Variants in CFAP54 observed in about 807,000 individuals in gnomAD.
CFAP54 encodes the protein cilia- and flagella-associated protein 54.
A neutral mutation model predicts 370.4 loss-of-function variants in CFAP54; 290 were observed. The observed-to-expected ratio is 0.78, with a 90% CI of 0.71 to 0.86. The LOEUF is 0.86. CFAP54 is among the 40% of genes least tolerant of loss of function. The pLI, the probability that CFAP54 is intolerant of heterozygous loss-of-function variation, is 0.00. For synonymous variants in CFAP54, 1,206 were observed against 1,236.5 expected, an observed-to-expected ratio of 0.98 and a Z score of 0.52; for missense variants, 3,399 against 3,528.7, an observed-to-expected ratio of 0.96 and a Z score of 0.93.
chr12:96,535,989 C>T lies in CFAP54; in HGVS notation c.1791+389C>T, dbSNP rs189494122. Among the ~76,000 whole-genome samples the T allele has an allele frequency of 1.4e-3, 213 of 152,284 alleles. 1 individual carries two copies. The highest frequency in any genetic ancestry group is 2.0e-3 in the Non-Finnish European group (138 of 68,022). On this transcript the variant is annotated intron_variant, in intron 12 of 67. Coordinates refer to ENST00000524981, the MANE Select transcript of CFAP54 (RefSeq NM_001306084.2). Reference sequence around the variant, plus strand: ...TGACCTATAAGAGGGTACCAGTGTTCAGGTAAAACTATTATAATATAGCAA... The same window carrying T: ...TGACCTATAAGAGGGTACCAGTGTTTAGGTAAAACTATTATAATATAGCAA...
intron 45 of CFAP54, 78 bp from the exon 46 acceptor site, chr12:96,699,893 C>T (rs573129107): frequency 4.1e-6 from 5 of 1,232,434 alleles, no homozygotes; most frequent in East Asian, 2.4e-5. Context: ...AGAAAGTTGA[C>T]GATTTTCTCT....
At chr12:96,778,561 C>T (rs1209203427) in intron 60 of CFAP54, among the ~76,000 whole-genome samples, 3 of 152,178 alleles carry the variant, frequency 2.0e-5, no homozygotes, top group Non-Finnish European at 4.4e-5. Context: ...CTTCTCTATA[C>T]ATTCTACTTG....
intron 35 of CFAP54, among the ~76,000 whole-genome samples, chr12:96,650,988 C>A (rs2136503126): frequency 6.6e-6 from 1 of 152,272 alleles, no homozygotes; most frequent in African/African-American, 2.4e-5. Flanking sequence ...TTTCACCTTG[C>A]TGTTCCCTGA....
At chr12:96,783,669 C>T (rs1184320296) in intron 60 of CFAP54, among the ~76,000 whole-genome samples, 1 of 152,112 alleles carries the variant, frequency 6.6e-6, no homozygotes, top group South Asian at 2.1e-4. Context: ...GGTGAATCAC[C>T]TGAGGTCGGG....
rs950033576 is a variant in CFAP54, at chr12:96,538,320, A to G, written c.1792-64A>G. On this transcript the variant is annotated intron_variant, in intron 12 of 67. Transcript: ENST00000524981. ...GCTCTTAGAGTGTTTCTCAGCACAC[A>G]GTAAATGTTATATACATGTATTTTA... is the stretch of plus-strand genomic sequence containing the variant. The G allele has an allele frequency of 1.9e-5, 25 of 1,335,106 alleles. No individual in the cohort carries two copies. The African/African-American group carries it at 2.0e-4, about 11-fold the overall frequency. 82.7% of individuals were successfully genotyped at this position (1,335,106 alleles called of 1,614,324 possible).
Position 96,710,827 on chromosome 12 carries a change from G to A in CFAP54, c.6724+2024G>A, listed in dbSNP as rs77210861. On this transcript the variant is annotated intron_variant, in intron 48 of 67. Transcript: ENST00000524981. ...GGTTCCTGCCACCATGCCCAGCTAA[G>A]TTTTTGTATTTTTAGTAGAGACGGG... Among the ~76,000 whole-genome samples the A allele has an allele frequency of 2.2e-3, 339 of 151,996 alleles. 2 individuals carry two copies. Among genetic ancestry groups the A allele is most frequent in the African/African-American group, 8.0e-3 (333 of 41,464 alleles).
intron 33 of CFAP54, among the ~76,000 whole-genome samples, chr12:96,647,633 A>G (rs1444783892): frequency 2.0e-5 from 3 of 151,960 alleles, no homozygotes; most frequent in Non-Finnish European, 4.4e-5. Flanking sequence ...TTTTATTCCC[A>G]TTTTCAAGAG....
chr12:96,615,224 T>G (rs1009180528), intron 26 of CFAP54, among the ~76,000 whole-genome samples: 4 of 152,362 alleles, frequency 2.6e-5, no homozygotes, highest in African/African-American at 9.6e-5. Context: ...TACAACCATC[T>G]GATCTTTGAC....
chr12:96,770,732 T>C (rs1254369924), intron 60 of CFAP54, among the ~76,000 whole-genome samples: 1 of 152,236 alleles, frequency 6.6e-6, no homozygotes, highest in African/African-American at 2.4e-5. Context: ...TTCATTTATG[T>C]TTCAGGAAAA....
intron 45 of CFAP54, 50 bp downstream of exon 45, chr12:96,693,858 A>G (rs1053891955): frequency 8.6e-7 from 1 of 1,157,334 alleles, no homozygotes; most frequent in Non-Finnish European, 1.3e-6. Context: ...TATTAAGGAT[A>G]TTGTCATGTA....
intron 30 of CFAP54, among the ~76,000 whole-genome samples, chr12:96,628,263 A>T (rs1956567594): frequency 6.6e-6 from 1 of 152,238 alleles, no homozygotes; most frequent in African/African-American, 2.4e-5. Flanking sequence ...GCTGACTTGA[A>T]TAAAAATTTT....
Position 96,764,081 on chromosome 12 carries a change from A to C in CFAP54, c.8041-70A>C, listed in dbSNP as rs991264829. On this transcript the variant is annotated intron_variant, in intron 58 of 67. Transcript: ENST00000524981. ...AGTGACTACATAGCATTTCACTAAA[A>C]TGTCATCTTCAGAAGATGAGAAGAG... 27 of 982,626 alleles carry C rather than the reference A, an allele frequency of 2.7e-5. No homozygotes were observed. The African/African-American group carries it at 3.2e-4, about 12-fold the overall frequency. 60.9% of individuals were successfully genotyped at this position (982,626 alleles called of 1,614,324 possible).
intron 66 of CFAP54, among the ~76,000 whole-genome samples, chr12:96,856,391 C>T (rs1364924749): frequency 6.6e-6 from 1 of 152,192 alleles, no homozygotes; most frequent in Non-Finnish European, 1.5e-5. Flanking sequence ...TGTCAGGCTG[C>T]AAATTTTCCA....
At chr12:96,522,018 G>A in intron 7 of CFAP54, 48 bp downstream of exon 7, 2 of 1,522,994 alleles carry the variant, frequency 1.3e-6, no homozygotes, top group Non-Finnish European at 1.8e-6. Flanking sequence ...CTCTACAGCT[G>A]ATTAAATACT....
chr12:96,606,059 C>T (rs1230375665), intron 26 of CFAP54, among the ~76,000 whole-genome samples: 1 of 151,362 alleles, frequency 6.6e-6, no homozygotes, highest in Non-Finnish European at 1.5e-5. Flanking sequence ...GGGGGGGTGA[C>T]AAAAAACAAA....
At chr12:96,820,606 T>C (rs1959021636) in intron 65 of CFAP54, among the ~76,000 whole-genome samples, 1 of 152,192 alleles carries the variant, frequency 6.6e-6, no homozygotes, top group South Asian at 2.1e-4. Flanking sequence ...GAACATCCTT[T>C]TCAGTGTCCT....
intron 65 of CFAP54, among the ~76,000 whole-genome samples, chr12:96,827,737 A>AATTATATATAATTATATTTAATATG (rs1959134607): frequency 8.1e-5 from 10 of 123,734 alleles, no homozygotes; most frequent in Middle Eastern, 0.012. Flanking sequence ...TATTTAATAT[A>AATTATATATAATTATATTTAATATG]ATTATATATA....
In CFAP54 at chr12:96,847,472, T is replaced by C. The variant is rs922981374; in HGVS notation, c.9172-13347T>C. ...GCTATTGGTGATTGGGTTTAATCAC[T>C]CCCCCTACCCCTTAGTATATAAAAG... On this transcript the variant is annotated intron_variant, in intron 66 of 67. Coordinates refer to ENST00000524981, the MANE Select transcript of CFAP54 (RefSeq NM_001306084.2). 6.6e-5 allele frequency among the ~76,000 whole-genome samples: 10 copies of C among 152,290 alleles called. No homozygotes were observed. The East Asian group carries it at 1.9e-3, about 29-fold the overall frequency.
intron 30 of CFAP54, among the ~76,000 whole-genome samples, chr12:96,628,204 G>C (rs1015619126): frequency 6.6e-6 from 1 of 152,166 alleles, no homozygotes; most frequent in African/African-American, 2.4e-5. Flanking sequence ...ACCGCTAAGT[G>C]ACACATGGCT....
Sources: allele counts gnomAD v4.1 joint callset (sites outside exome capture counted in the v4.1 genomes callset), GRCh38; gene constraint gnomAD v4.1.1; transcripts MANE v1.5; gene names NCBI Gene and HGNC (gene_info 2026-07-23, HGNC 2026-07-21).